Variants in TMC2 observed in about 807,000 individuals in gnomAD.
The protein encoded by TMC2 is transmembrane channel-like protein 2.
Under a neutral mutation model 105.9 loss-of-function variants are expected in TMC2, and 102 were observed. That is an observed-to-expected ratio of 0.96 (90% CI 0.82 to 1.14). The LOEUF is 1.14. Among genes scored for constraint, TMC2 ranks in the 50% most tolerant of loss-of-function variants. TMC2 has a pLI of 0.00. For missense variants in TMC2, 1,093 were observed against 1,134.3 expected (o/e 0.96, Z 0.52); for synonymous variants, 402 against 422.8 (o/e 0.95, Z 0.60).
chr20:2,574,866 T>C (rs752684635), intron 5 of TMC2, among the ~76,000 whole-genome samples: 5 of 151,838 alleles, frequency 3.3e-5, no homozygotes, highest in Non-Finnish European at 5.9e-5. Context: ...GCTGGGATTA[T>C]GGGCATGCGC....
intron 5 of TMC2, among the ~76,000 whole-genome samples, chr20:2,574,802 T>A (rs1165233886): frequency 6.6e-6 from 1 of 152,188 alleles, no homozygotes; most frequent in Non-Finnish European, 1.5e-5. Flanking sequence ...CTCGGCTCAC[T>A]ACAACCTCTG....
At chr20:2,604,187 CA>C (rs1260159881) in intron 11 of TMC2, among the ~76,000 whole-genome samples, 2 of 152,218 alleles carry the variant, frequency 1.3e-5, no homozygotes, top group Non-Finnish European at 2.9e-5. Flanking sequence ...CCAGAGTTCC[CA>C]TGGGCAGAGC....
Position 2,558,488 on chromosome 20 carries a change from C to CGGGCTCTCA in TMC2, c.116_124dup (p.Arg39_Leu41dup), listed in dbSNP as rs1457749049. On this transcript the variant is annotated inframe_insertion, in exon 3 of 20. Coordinates refer to ENST00000358864, the MANE Select transcript of TMC2 (RefSeq NM_080751.3). This position sits in a 1 kb window ranked among gnomAD's most constrained non-coding sequence, Gnocchi z 4.6. Reference sequence around the variant, plus strand: ...GCTGGGAAGGAGATCCTCAAGCAAGCGGGCTCTCAAAGCCGAGGGGACCCC... The same window carrying CGGGCTCTCA: ...GCTGGGAAGGAGATCCTCAAGCAAGCGGGCTCTCAGGGCTCTCAAAGCCGAGGGGACCCC... The CGGGCTCTCA allele has an allele frequency of 1.3e-6, 2 of 1,559,024 alleles. No homozygotes were observed. The highest frequency in any genetic ancestry group is 2.7e-5 in the African/African-American group (2 of 73,394).
intron 19 of TMC2, among the ~76,000 whole-genome samples, chr20:2,638,284 T>G (rs191013500): frequency 9.4e-5 from 14 of 149,226 alleles, no homozygotes. Flanking sequence ...GAGCTTGCAG[T>G]GAGCCGAGCT....
rs1010933767 is a variant in TMC2, at chr20:2,592,224, A to C, written c.835-86A>C. The C allele has an allele frequency of 5.1e-5, 41 of 800,378 alleles. No individual in the cohort carries two copies. Among genetic ancestry groups the C allele is most frequent in the Non-Finnish European group, 8.8e-5 (41 of 468,186 alleles). The allele number at this position is 800,378 out of a possible 1,614,324, so 49.6% of individuals were successfully genotyped here. On this transcript the variant is annotated intron_variant, in intron 7 of 19. Coordinates refer to ENST00000358864, the MANE Select transcript of TMC2 (RefSeq NM_080751.3). The surrounding 1 kb of genome is among the most constrained non-coding windows in gnomAD (Gnocchi z 4.9). ...AAAATAGGTGTATTCCGCTCTGAGA[A>C]GGAAAGCATTTACCCCAGTATATGA...
intron 17 of TMC2, 147 bp downstream of exon 17, chr20:2,624,543 AT>A: frequency 1.0e-6 from 1 of 996,816 alleles, no homozygotes; most frequent in Non-Finnish European, 1.4e-6. Context: ...TAAGTATTTT[AT>A]TAGGGAGGGG....
intron 2 of TMC2, among the ~76,000 whole-genome samples, chr20:2,537,831 T>C (rs1600090785): frequency 6.6e-6 from 1 of 151,996 alleles, no homozygotes; most frequent in Non-Finnish European, 1.5e-5. Context: ...AGAAAACCCT[T>C]GGTTGAGACT....
intron 13 of TMC2, among the ~76,000 whole-genome samples, 188 bp from the exon 14 acceptor site, chr20:2,613,006 C>G (rs955953350): frequency 6.6e-6 from 1 of 152,176 alleles, no homozygotes; most frequent in Admixed American, 6.5e-5. Context: ...TAATGTGGAG[C>G]TGGGACCTAA....
chr20:2,596,997 T>C (rs1428316640), intron 9 of TMC2, among the ~76,000 whole-genome samples, 154 bp from the exon 10 acceptor site: 3 of 152,144 alleles, frequency 2.0e-5, no homozygotes, highest in Middle Eastern at 3.2e-3. Flanking sequence ...CTCAAAGCTG[T>C]CTTGGCTCAA....
chr20:2,566,875 C>G (rs936689764), intron 4 of TMC2, among the ~76,000 whole-genome samples: 1 of 152,216 alleles, frequency 6.6e-6, no homozygotes, highest in Non-Finnish European at 1.5e-5. Context: ...GAAAAATCTG[C>G]TATTTCTGGC....
At chr20:2,578,350 G>T (rs749036414) in intron 5 of TMC2, among the ~76,000 whole-genome samples, 10 of 152,088 alleles carry the variant, frequency 6.6e-5, no homozygotes, top group Non-Finnish European at 1.3e-4. Context: ...AATGGGAACT[G>T]ATCTTAGGAT....
chr20:2,628,825 G>A (rs117930014), intron 17 of TMC2, among the ~76,000 whole-genome samples: 2,135 of 151,352 alleles, frequency 0.014, 26 homozygotes, highest in Non-Finnish European at 0.02. Flanking sequence ...TAATAAGGCC[G>A]GGCACAGTGG....
intron 8 of TMC2, among the ~76,000 whole-genome samples, chr20:2,593,201 A>C: frequency 6.6e-6 from 1 of 152,118 alleles, no homozygotes; most frequent in East Asian, 1.9e-4. Flanking sequence ...TTATCAGAAC[A>C]ACCAGATCTC....
intron 10 of TMC2, among the ~76,000 whole-genome samples, chr20:2,600,676 T>C (rs1385879932): frequency 6.6e-6 from 1 of 152,060 alleles, no homozygotes; most frequent in African/African-American, 2.4e-5. Flanking sequence ...CAAAAAAAAT[T>C]AGCCGGGCAT....
At chr20:2,612,847 G>A (rs911410550) in intron 13 of TMC2, among the ~76,000 whole-genome samples, 1 of 152,176 alleles carries the variant, frequency 6.6e-6, no homozygotes, top group Non-Finnish European at 1.5e-5. Flanking sequence ...GGGTCCTAGT[G>A]ATGATGACTA....
intron 7 of TMC2, among the ~76,000 whole-genome samples, chr20:2,587,340 T>C (rs1378027126): frequency 6.6e-6 from 1 of 152,194 alleles, no homozygotes; most frequent in African/African-American, 2.4e-5. Flanking sequence ...TTAAACCAGA[T>C]TGCATTCTTG....
chr20:2,578,126 G>C (rs1311389329), intron 5 of TMC2, among the ~76,000 whole-genome samples: 17 of 152,064 alleles, frequency 1.1e-4, no homozygotes, highest in Non-Finnish European at 1.5e-5. Flanking sequence ...TTCAAGGCCT[G>C]CCTGGCCAAC....
chr20:2,643,160 C>T lies in TMC2; in HGVS notation c.*1809C>T, dbSNP rs1186999147. Among the ~76,000 whole-genome samples the T allele has an allele frequency of 1.3e-5, 2 of 152,172 alleles. No individual in the cohort carries two copies. The highest frequency in any genetic ancestry group is 1.3e-4 in the Admixed American group (2 of 15,274). ...AAGGCTAACGAAGATGTTGCAATGC[C>T]TGATTTCCATGGAACCCAGGTCCAA... On this transcript the variant is annotated 3_prime_UTR_variant, in exon 20 of 20. Transcript: ENST00000358864.
At chr20:2,543,318 GA>G (rs1367868775) in intron 2 of TMC2, among the ~76,000 whole-genome samples, 20 of 152,290 alleles carry the variant, frequency 1.3e-4, no homozygotes, top group African/African-American at 4.8e-4. Flanking sequence ...ACAACCTGTT[GA>G]TAAGACAAAA....
Sources: gnomAD v4.1 joint callset for allele counts (sites outside exome capture counted in the v4.1 genomes callset) on GRCh38, gnomAD v4.1.1 for gene constraint, Gnocchi (gnomAD v3.1) non-coding constraint, MANE v1.5 for transcripts, NCBI Gene and HGNC (gene_info 2026-07-23, HGNC 2026-07-21) for gene names.